The following PCNA variants were observed in gnomAD, a reference collection of about 807,000 sequenced individuals.
PCNA encodes proliferating cell nuclear antigen, also known as DNA sliding clamp PCNA.
Under a neutral mutation model 27.8 loss-of-function variants are expected in PCNA, and 4 were observed. The ratio of observed to expected loss-of-function variants is 0.14; its 90% CI spans 0.07 to 0.33. The LOEUF (loss-of-function observed/expected upper bound fraction) is 0.33, where lower values mean the gene tolerates loss of function less well. Ranked by LOEUF, PCNA falls within the 10% of genes least tolerant of loss-of-function variation. The pLI, the probability that PCNA is intolerant of heterozygous loss-of-function variation, is 1.00. For synonymous variants in PCNA, 121 were observed against 119.4 expected (o/e 1.01, Z -0.09); for missense variants, 165 against 327.4 (o/e 0.50, Z 3.83).
chr20:5,120,399 C>T (rs922486333), upstream of PCNA, among the ~76,000 whole-genome samples: 2 of 152,210 alleles, frequency 1.3e-5, no homozygotes, highest in Non-Finnish European at 2.9e-5. Context: ...AGAATTGATG[C>T]GCTCGTAGGT....
At chr20:5,124,185 G>A (rs1488533881), upstream of PCNA, among the ~76,000 whole-genome samples, 7 of 152,352 alleles carry the variant, frequency 4.6e-5, no homozygotes, top group East Asian at 1.2e-3. Context: ...TACATTGCAA[G>A]TGGGAGTATA....
chr20:5,115,913 T>C (rs974804221), intron 4 of PCNA, among the ~76,000 whole-genome samples: 2 of 152,174 alleles, frequency 1.3e-5, no homozygotes, highest in Admixed American at 6.5e-5. Context: ...GCTGCTAACA[T>C]TGCAAACACA....
At chr20:5,120,510 A>G (rs888116034), upstream of PCNA, among the ~76,000 whole-genome samples, 3 of 152,060 alleles carry the variant, frequency 2.0e-5, no homozygotes, top group African/African-American at 7.3e-5. Context: ...CGTTCATTGT[A>G]TAAAGCTTTT....
chr20:5,125,493 T>C (rs2090541563), intron 1 of PCNA, among the ~76,000 whole-genome samples: 1 of 152,130 alleles, frequency 6.6e-6, no homozygotes, highest in South Asian at 2.1e-4. Context: ...AATTTAAAAA[T>C]TGAAAAGAAG....
chr20:5,126,000 G>A (rs948595939), intron 1 of PCNA, among the ~76,000 whole-genome samples: 1 of 152,208 alleles, frequency 6.6e-6, no homozygotes, highest in Non-Finnish European at 1.5e-5. Flanking sequence ...TTGGAAGGCG[G>A]AGGCGGACGG....
At chr20:5,117,104 C>A (rs1447075504) in intron 4 of PCNA, among the ~76,000 whole-genome samples, 10 of 152,204 alleles carry the variant, frequency 6.6e-5, no homozygotes, top group Admixed American at 6.5e-4. Context: ...TAGACTTTTA[C>A]TCCTAACCAT....
chr20:5,119,719 C>G lies in PCNA; in HGVS notation c.80G>C (p.Cys27Ser), dbSNP rs1457673870. Reference sequence around the variant, plus strand: ...TACACCGCTGGAGCTAATATCCCAGCAGGCCTCGTTGATGAGGTCCTTGAG... The same window carrying G: ...TACACCGCTGGAGCTAATATCCCAGGAGGCCTCGTTGATGAGGTCCTTGAG... ...EALKDLINEA[C>S]WDISSSGVNL... The change falls in exon 1 of 6, where the codon TGC (cysteine) becomes TCC (serine). Residue 27 changes from cysteine (C) to serine (S), a missense_variant. Coordinates refer to ENST00000379143, the MANE Select transcript of PCNA (RefSeq NM_182649.2). 11 of 1,601,292 alleles carry G rather than the reference C, an allele frequency of 6.9e-6. No homozygotes were observed. Among genetic ancestry groups the G allele is most frequent in the Non-Finnish European group, 9.4e-6 (11 of 1,174,198 alleles).
At chr20:5,122,379 C>A (rs1188573851), upstream of PCNA, among the ~76,000 whole-genome samples, 1 of 152,222 alleles carries the variant, frequency 6.6e-6, no homozygotes, top group African/African-American at 2.4e-5. Context: ...TTGGTTAAGG[C>A]ATTCCTACTG....
At chr20:5,123,987 A>C (rs1336801385), upstream of PCNA, among the ~76,000 whole-genome samples, 2 of 152,218 alleles carry the variant, frequency 1.3e-5, no homozygotes, top group Admixed American at 6.5e-5. Context: ...TATTCATCTA[A>C]ACAAAAAGCC....
At chr20:5,121,790 T>C (rs891961880), upstream of PCNA, among the ~76,000 whole-genome samples, 1 of 151,726 alleles carries the variant, frequency 6.6e-6, no homozygotes, top group Non-Finnish European at 1.5e-5. Context: ...TGTACCTGGC[T>C]AATTTTTAAA....
Position 5,115,436 on chromosome 20 carries a change from T to A in PCNA, c.706+13A>T, listed in dbSNP as rs2090468260. 6.2e-7 allele frequency: 1 copy of A among 1,613,886 alleles called. No individual in the cohort carries two copies. Among genetic ancestry groups the A allele is most frequent in the African/African-American group, 1.3e-5 (1 of 74,920 alleles). On this transcript the variant is annotated intron_variant, in intron 5 of 5. Transcript: ENST00000379143. The stretch of plus-strand genomic sequence containing the variant: ...GACTACCTACAAAACAAGGTTCAAA[T>A]TTATTATCTTACCAAGGGGTACATC...
chr20:5,119,429 C>G, intron 1 of PCNA, 149 bp downstream of exon 1: 1 of 663,970 alleles, frequency 1.5e-6, no homozygotes, highest in Non-Finnish European at 2.5e-6. Context: ...ACCGCGCGCT[C>G]AGCTGGGCCC....
chr20:5,116,448 T>A (rs555671500), intron 4 of PCNA, among the ~76,000 whole-genome samples: 2 of 152,318 alleles, frequency 1.3e-5, no homozygotes, highest in East Asian at 3.9e-4. Context: ...ACCTTTCAAC[T>A]GAATTTTACC....
intron 4 of PCNA, among the ~76,000 whole-genome samples, chr20:5,117,249 T>C (rs1237518789): frequency 2.0e-5 from 3 of 152,232 alleles, no homozygotes; most frequent in Admixed American, 2.0e-4. Flanking sequence ...CATAAACCAC[T>C]GTTCTGTGGT....
At chr20:5,117,876 C>T (rs999544804) in intron 3 of PCNA, among the ~76,000 whole-genome samples, 2 of 152,254 alleles carry the variant, frequency 1.3e-5, no homozygotes, top group Non-Finnish European at 2.9e-5. Context: ...TCCTCCTCCT[C>T]ATCCTCCAGG....
intron 1 of PCNA, 94 bp downstream of exon 1, chr20:5,119,484 C>T: frequency 1.8e-5 from 18 of 1,018,662 alleles, no homozygotes; most frequent in Non-Finnish European, 2.4e-5. Flanking sequence ...GGATGGCCCA[C>T]GCCAGCCAAT....
intron 1 of PCNA, 113 bp from the exon 2 acceptor site, chr20:5,118,979 G>T: frequency 1.4e-6 from 1 of 712,394 alleles, no homozygotes; most frequent in Admixed American, 2.4e-5. Flanking sequence ...CTCAGAACTG[G>T]TGGAGGGTAA....
At position 5,117,564 on chromosome 20, in the gene PCNA, G is replaced by C; in HGVS notation, c.488C>G (p.Ala163Gly). The C allele has an allele frequency of 1.2e-6, 2 of 1,613,546 alleles. No homozygotes were observed. Among genetic ancestry groups the C allele is most frequent in the Non-Finnish European group, 1.7e-6 (2 of 1,179,680 alleles). The change falls in exon 4 of 6, where the codon GCA becomes GGA. Residue 163 changes from alanine (A) to glycine (G), a missense_variant. Transcript: ENST00000379143. ...TGCAGAAAATTTCACTCCGTCTTTT[G>C]CACAGGAAATTACAACAGCATCTCC... ...HIGDAVVISC[A>G]KDGVKFSASG...
At chr20:5,117,746 C>A in intron 3 of PCNA, 82 bp from the exon 4 acceptor site, 1 of 727,508 alleles carries the variant, frequency 1.4e-6, no homozygotes, top group Non-Finnish European at 2.3e-6. Flanking sequence ...AAGGCAACAC[C>A]TAAACAACTC....
Sources: gnomAD v4.1 joint callset for allele counts (sites outside exome capture counted in the v4.1 genomes callset) on GRCh38, gnomAD v4.1.1 for gene constraint, MANE v1.5 for transcripts, NCBI Gene and HGNC (gene_info 2026-07-23, HGNC 2026-07-21) for gene names.